Variants in TPH2 observed in about 807,000 individuals in gnomAD.
The protein encoded by TPH2 is tryptophan 5-hydroxylase 2.
In TPH2, 27 loss-of-function variants were observed where a neutral mutation model predicts 59.1. The ratio of observed to expected loss-of-function variants is 0.46; its 90% CI spans 0.34 to 0.63. The LOEUF (loss-of-function observed/expected upper bound fraction) is 0.63. Among genes scored for constraint, TPH2 ranks in the 30% least tolerant of loss-of-function variants. TPH2 has a pLI of 0.01. For synonymous variants in TPH2, 220 were observed against 210.5 expected, an observed-to-expected ratio of 1.05 and a Z score of -0.39; for missense variants, 523 against 588.3, an observed-to-expected ratio of 0.89 and a Z score of 1.15.
intron 7 of TPH2, among the ~76,000 whole-genome samples, chr12:71,991,136 T>C (rs2139219245): frequency 6.6e-6 from 1 of 152,366 alleles, no homozygotes; most frequent in African/African-American, 2.4e-5. Flanking sequence ...TGATAGCTCC[T>C]TTTTCTATCA....
At chr12:71,962,132 G>T in intron 5 of TPH2, 1 of 990,080 alleles carries the variant, frequency 1.0e-6, no homozygotes. Context: ...CAGTCGTGGG[G>T]CTCCTAACCT....
chr12:72,007,893 C>G (rs112898238), intron 8 of TPH2, among the ~76,000 whole-genome samples: 1 of 152,134 alleles, frequency 6.6e-6, no homozygotes, highest in Admixed American at 6.5e-5. Flanking sequence ...AAGGCACACT[C>G]TTATTGTATT....
At chr12:72,026,670 A>G (rs781453086) in intron 9 of TPH2, among the ~76,000 whole-genome samples, 2 of 152,184 alleles carry the variant, frequency 1.3e-5, no homozygotes, top group Non-Finnish European at 2.9e-5. Context: ...TGGTAATGAC[A>G]GAGTAAATGC....
chr12:72,014,387 CTTTTTT>C (rs200958003), intron 8 of TPH2, among the ~76,000 whole-genome samples: 1 of 106,542 alleles, frequency 9.4e-6, no homozygotes. Flanking sequence ...TTTTTTTTTT[CTTTTTT>C]TCTTTTTTTT....
intron 8 of TPH2, among the ~76,000 whole-genome samples, chr12:72,008,570 G>A (rs1873016675): frequency 6.6e-6 from 1 of 152,166 alleles, no homozygotes; most frequent in Non-Finnish European, 1.5e-5. Flanking sequence ...CACAGTCCTG[G>A]TATTCATTCA....
In TPH2 at chr12:71,938,851, C is replaced by T. The variant is rs572340168; in HGVS notation, c.-136C>T. 4.4e-5 allele frequency: 33 copies of T among 750,738 alleles called. 1 individual carries two copies. In the South Asian group the frequency reaches 4.7e-4, roughly 11 times the overall value. 46.5% of individuals were successfully genotyped at this position (750,738 alleles called of 1,614,324 possible). A position where few individuals can be genotyped will look rare whatever the true frequency, so the allele number is the denominator to read the frequency against. ...CCCGGGGATGGGAGGATTCGCATTGCTCTTCAGCACCAGGGTTCTGGACAG... is the reference window on the plus strand; with the variant it reads ...CCCGGGGATGGGAGGATTCGCATTGTTCTTCAGCACCAGGGTTCTGGACAG... On this transcript the variant is annotated 5_prime_UTR_variant, in exon 1 of 11. Transcript: ENST00000333850.
chr12:71,998,989 AAG>A, intron 8 of TPH2, among the ~76,000 whole-genome samples: 1 of 152,216 alleles, frequency 6.6e-6, no homozygotes, highest in Non-Finnish European at 1.5e-5. Flanking sequence ...ACTTATGAAA[AAG>A]AGAGTCATGC....
chr12:71,972,338 T>C (rs7978692), intron 5 of TPH2, among the ~76,000 whole-genome samples, 181 bp from the exon 6 acceptor site: 77,819 of 152,042 alleles, frequency 0.51, 20,659 homozygotes, highest in Middle Eastern at 0.59. Context: ...GAAATTCAAA[T>C]ACACATGCAC....
At chr12:71,950,665 C>T (rs1413191991) in intron 5 of TPH2, among the ~76,000 whole-genome samples, 1 of 152,260 alleles carries the variant, frequency 6.6e-6, no homozygotes, top group South Asian at 2.1e-4. Flanking sequence ...AACTTGTCAT[C>T]AGAACAAAAT....
At chr12:71,976,827 C>T (rs950001066) in intron 6 of TPH2, among the ~76,000 whole-genome samples, 2 of 151,992 alleles carry the variant, frequency 1.3e-5, no homozygotes, top group African/African-American at 2.4e-5. Flanking sequence ...TCTCCTAATG[C>T]GTTAAAGGAA....
rs553403486 is a variant in TPH2, at chr12:71,967,153, A to G, written c.609-5366A>G. ...GTGTTTGTTAAACAACTTCAGTCTA[A>G]TAAGCTCAGGACTCACACAAAATAA... On this transcript the variant is annotated intron_variant, in intron 5 of 10. Coordinates refer to ENST00000333850, the MANE Select transcript of TPH2 (RefSeq NM_173353.4). Among the ~76,000 whole-genome samples, 2 of 152,340 alleles carry G rather than the reference A, an allele frequency of 1.3e-5. 1 individual carries two copies. The highest frequency in any genetic ancestry group is 4.1e-4 in the South Asian group (2 of 4,824).
chr12:72,010,965 A>G (rs1873085287), intron 8 of TPH2, among the ~76,000 whole-genome samples: 1 of 152,216 alleles, frequency 6.6e-6, no homozygotes. Context: ...GGGCACTGCC[A>G]AAGCTATAGC....
intron 9 of TPH2, among the ~76,000 whole-genome samples, chr12:72,028,772 T>C (rs1192206982): frequency 6.6e-6 from 1 of 152,198 alleles, no homozygotes; most frequent in Non-Finnish European, 1.5e-5. Flanking sequence ...ATCACACGCA[T>C]AGCAGACTCC....
intron 9 of TPH2, among the ~76,000 whole-genome samples, chr12:72,030,097 G>A (rs1465905071): frequency 1.3e-5 from 2 of 152,084 alleles, no homozygotes; most frequent in Non-Finnish European, 2.9e-5. Context: ...GATTGCTGAG[G>A]TTACCCAGTT....
rs1301353542 is a variant in TPH2, at chr12:72,022,446, A to G, written c.1116A>G (p.Gln372=). Residue 372 remains glutamine (Q), a synonymous_variant, in exon 9 of 11, where the codon CAA becomes CAG. Transcript: ENST00000333850. The part of the protein sequence containing the change: ...IEFGLCKQEG[Q]LRAYGAGLLS... ...TTGGCCTTTGCAAGCAAGAAGGGCA[A>G]CTGCGGGCATATGGAGCAGGACTCC... 1 of 1,614,078 alleles carries G rather than the reference A, an allele frequency of 6.2e-7. No homozygotes were observed. The highest frequency in any genetic ancestry group is 2.2e-5 in the East Asian group (1 of 44,878).
chr12:71,986,425 T>C (rs1872438034), intron 7 of TPH2, among the ~76,000 whole-genome samples: 1 of 152,152 alleles, frequency 6.6e-6, no homozygotes, highest in African/African-American at 2.4e-5. Flanking sequence ...AAATAACCCC[T>C]GAGATTTCTT....
chr12:72,003,165 T>TCTGAACATGGATG (rs1468439361), intron 8 of TPH2, among the ~76,000 whole-genome samples: 1 of 152,194 alleles, frequency 6.6e-6, no homozygotes, highest in Non-Finnish European at 1.5e-5. Context: ...TGTAGTTCTT[T>TCTGAACATGGATG]CTGAACATGG....
At chr12:72,006,408 G>T (rs368905365) in intron 8 of TPH2, among the ~76,000 whole-genome samples, 13 of 152,186 alleles carry the variant, frequency 8.5e-5, no homozygotes, top group African/African-American at 2.9e-4. Flanking sequence ...GGTGGTCAGT[G>T]CATGGAGAGT....
At chr12:71,989,373 T>G (rs1196789666) in intron 7 of TPH2, among the ~76,000 whole-genome samples, 3 of 152,200 alleles carry the variant, frequency 2.0e-5, no homozygotes, top group Non-Finnish European at 2.9e-5. Flanking sequence ...TTATCCCACA[T>G]TACTTGCATT....
Sources: allele counts gnomAD v4.1 joint callset (sites outside exome capture counted in the v4.1 genomes callset), GRCh38; gene constraint gnomAD v4.1.1; transcripts MANE v1.5; gene names NCBI Gene and HGNC (gene_info 2026-07-23, HGNC 2026-07-21).